ZNF184: variants seen among roughly 807,000 people sequenced by gnomAD.
ZNF184 encodes the protein zinc finger protein 184.
In ZNF184, 16 loss-of-function variants were observed where a neutral mutation model predicts 54.4. The ratio of observed to expected loss-of-function variants is 0.29; its 90% CI spans 0.20 to 0.45. ZNF184 has a LOEUF of 0.45. Ranked by LOEUF, ZNF184 falls within the 20% of genes least tolerant of loss-of-function variation. The probability of loss-of-function intolerance (pLI) is 1.00; values close to 1 mark genes in which losing one functional copy is unlikely to be tolerated. For missense variants in ZNF184, 681 were observed against 888.2 expected, an observed-to-expected ratio of 0.77 and a Z score of 2.97; for synonymous variants, 254 against 295.3, an observed-to-expected ratio of 0.86 and a Z score of 1.43.
the ZNF184 span, among the ~76,000 whole-genome samples, chr6:27,415,393 C>G: frequency 2.0e-5 from 3 of 152,132 alleles, no homozygotes; most frequent in African/African-American, 7.2e-5. Flanking sequence ...AATTATATTT[C>G]TGTTACTGGA....
At chr6:27,412,376 C>T in the ZNF184 span, among the ~76,000 whole-genome samples, 8 of 152,160 alleles carry the variant, frequency 5.3e-5, no homozygotes, top group Non-Finnish European at 1.0e-4. Flanking sequence ...TTAGAGACAA[C>T]CAGGTCCATG....
At chr6:27,463,464 G>C (rs1421407266) in intron 3 of ZNF184, among the ~76,000 whole-genome samples, 1 of 151,922 alleles carries the variant, frequency 6.6e-6, no homozygotes, top group Non-Finnish European at 1.5e-5. Flanking sequence ...TTTAAAAAAA[G>C]AGCCTTGGGG....
chr6:27,448,735 C>T (rs1408446724), downstream of ZNF184, among the ~76,000 whole-genome samples: 2 of 151,088 alleles, frequency 1.3e-5, no homozygotes, highest in Non-Finnish European at 2.9e-5. Context: ...AGTGTGTGCT[C>T]CAATGACAAG....
the ZNF184 span, chr6:27,404,524 T>A: frequency 2.0e-5 from 3 of 152,028 alleles, no homozygotes; most frequent in Non-Finnish European, 4.4e-5. Context: ...CAGAAGAAAC[T>A]CTCTTTGTAG....
At chr6:27,444,786 T>A in the ZNF184 span, among the ~76,000 whole-genome samples, 1 of 152,230 alleles carries the variant, frequency 6.6e-6, no homozygotes, top group Non-Finnish European at 1.5e-5. Flanking sequence ...ATTATCTTAC[T>A]ACCTCACATG....
chr6:27,424,055 A>G, the ZNF184 span, among the ~76,000 whole-genome samples: 1 of 152,178 alleles, frequency 6.6e-6, no homozygotes, highest in Non-Finnish European at 1.5e-5. Flanking sequence ...TACAACTCCT[A>G]AAGTGGCACG....
At chr6:27,462,864 CAAA>C (rs1275604769) in intron 3 of ZNF184, among the ~76,000 whole-genome samples, 1 of 70,110 alleles carries the variant, frequency 1.4e-5, no homozygotes. Flanking sequence ...GACTCTGTCT[CAAA>C]AAAAAAAAAA....
chr6:27,424,285 G>A, the ZNF184 span, among the ~76,000 whole-genome samples: 5 of 152,372 alleles, frequency 3.3e-5, no homozygotes, highest in Middle Eastern at 3.4e-3. Context: ...CACAAAAGTA[G>A]TGTGAGCACA....
At chr6:27,463,643 A>C (rs558438657) in intron 3 of ZNF184, among the ~76,000 whole-genome samples, 2 of 152,208 alleles carry the variant, frequency 1.3e-5, no homozygotes, top group East Asian at 1.9e-4. Flanking sequence ...TCATAATCAA[A>C]TAGTTTAAAC....
intron 5 of ZNF184, among the ~76,000 whole-genome samples, chr6:27,455,115 T>C (rs147137104): frequency 6.6e-6 from 1 of 152,158 alleles, no homozygotes; most frequent in East Asian, 1.9e-4. Context: ...CTATACGACA[T>C]TTTTATAAAG....
the ZNF184 span, among the ~76,000 whole-genome samples, chr6:27,429,997 C>T: frequency 6.6e-6 from 1 of 152,152 alleles, no homozygotes; most frequent in Admixed American, 6.5e-5. Flanking sequence ...GAAAATGTGA[C>T]AAGGCAAAGG....
chr6:27,431,839 G>T, the ZNF184 span, among the ~76,000 whole-genome samples: 2 of 152,150 alleles, frequency 1.3e-5, no homozygotes, highest in Admixed American at 1.3e-4. Flanking sequence ...ACAAAGGCAC[G>T]ATGGATGCCC....
rs1763294444 is a variant in ZNF184, at chr6:27,472,246, A to T, written c.7+42T>A. 1 of 1,612,814 alleles carries T rather than the reference A, an allele frequency of 6.2e-7. No homozygotes were observed. The highest frequency in any genetic ancestry group is 8.5e-7 in the Non-Finnish European group (1 of 1,179,318). On this transcript the variant is annotated intron_variant, in intron 2 of 5. Coordinates refer to ENST00000683788, the MANE Select transcript of ZNF184 (RefSeq NM_001318891.2). The surrounding 1 kb of genome is among the most constrained non-coding windows in gnomAD (Gnocchi z 4.8). The stretch of plus-strand genomic sequence containing the variant: ...TGATACTCCAGTCATGACTGTTCTC[A>T]AGCCTCCATCACCCCGCTCTCCCCC...
chr6:27,459,321 G>A (rs778556632), intron 3 of ZNF184, among the ~76,000 whole-genome samples: 4 of 151,780 alleles, frequency 2.6e-5, no homozygotes, highest in Non-Finnish European at 4.4e-5. Context: ...TTGTATTCAC[G>A]TACCAAAATA....
At chr6:27,462,787 C>T (rs1446285535) in intron 3 of ZNF184, among the ~76,000 whole-genome samples, 1 of 151,034 alleles carries the variant, frequency 6.6e-6, no homozygotes, top group Non-Finnish European at 1.5e-5. Flanking sequence ...ACCGCTTGAA[C>T]CCAGGAGGCA....
intron 3 of ZNF184, among the ~76,000 whole-genome samples, chr6:27,467,618 T>C (rs1201694441): frequency 6.6e-6 from 1 of 152,076 alleles, no homozygotes; most frequent in Non-Finnish European, 1.5e-5. Flanking sequence ...TCCAGTTTTG[T>C]ACTTCTTTTG....
In ZNF184 at chr6:27,456,873, G is replaced by A; in HGVS notation, c.251C>T (p.Thr84Ile). ...PDVISQLEQG[T>I]EPWIMEPSIP... ...GCTTGGCTCCATGATCCATGGCTCT[G>A]TCCCTTGCTCTAACTGGGAAATCAC... is the stretch of plus-strand genomic sequence containing the variant. Residue 84 changes from threonine (T) to isoleucine (I), a missense_variant, in exon 5 of 6, where the codon ACA (threonine) becomes ATA (isoleucine). Transcript: ENST00000683788. 1 of 1,614,092 alleles carries A rather than the reference G, an allele frequency of 6.2e-7. No individual in the cohort carries two copies. Among genetic ancestry groups the A allele is most frequent in the South Asian group, 1.1e-5 (1 of 91,080 alleles).
the ZNF184 span, among the ~76,000 whole-genome samples, chr6:27,411,736 A>G: frequency 1.3e-5 from 2 of 152,250 alleles, no homozygotes; most frequent in African/African-American, 4.8e-5. Flanking sequence ...TGGCTCTCAC[A>G]TTTAAGTAGA....
downstream of ZNF184, among the ~76,000 whole-genome samples, chr6:27,447,847 C>T (rs745874927): frequency 7.9e-5 from 12 of 152,214 alleles, no homozygotes; most frequent in Non-Finnish European, 1.3e-4. Flanking sequence ...GTCTCACACA[C>T]TTTCACCCTT....
Sources: allele counts gnomAD v4.1 joint callset (sites outside exome capture counted in the v4.1 genomes callset), GRCh38; gene constraint gnomAD v4.1.1; non-coding constraint Gnocchi (gnomAD v3.1); transcripts MANE v1.5; gene names NCBI Gene and HGNC (gene_info 2026-07-23, HGNC 2026-07-21).